Variants in RAB4A observed in about 807,000 individuals in gnomAD.
RAB4A encodes the protein RAB4A, member RAS oncogene family, also known as ras-related protein Rab-4A.
In RAB4A, 20 loss-of-function variants were observed where a neutral mutation model predicts 34.5. The observed-to-expected ratio is 0.58, with a 90% CI of 0.41 to 0.84. The LOEUF is 0.84. Ranked by LOEUF, RAB4A falls within the 40% of genes least tolerant of loss-of-function variation. The pLI, the probability that RAB4A is intolerant of heterozygous loss-of-function variation, is 0.00. For missense variants in RAB4A, 228 were observed against 274.5 expected (o/e 0.83, Z 1.20); for synonymous variants, 102 against 100.0 (o/e 1.02, Z -0.12).
Position 229,299,100 on chromosome 1 carries a change from T to G in RAB4A, c.541+28T>G, listed in dbSNP as rs531557674. 18 of 1,494,236 alleles carry G rather than the reference T, an allele frequency of 1.2e-5. No homozygotes were observed. The East Asian group carries it at 3.4e-4, about 28-fold the overall frequency. The allele number at this position is 1,494,236 out of a possible 1,614,324, so 92.6% of individuals were successfully genotyped here. A position where few individuals can be genotyped will look rare whatever the true frequency, so the allele number is the denominator to read the frequency against. On this transcript the variant is annotated intron_variant, in intron 6 of 7. Transcript: ENST00000366690. ...AAAAGCCTTTCCATTAAGCAACTTT[T>G]CTTCTGCATATTTTACACTGTAGCT...
intron 1 of RAB4A, among the ~76,000 whole-genome samples, chr1:229,273,031 ATCTTTGCACT>A (rs1228189529): frequency 6.6e-6 from 1 of 152,250 alleles, no homozygotes; most frequent in African/African-American, 2.4e-5. Context: ...TTTTGGTTAC[ATCTTTGCACT>A]TCTTTATTTT....
intron 1 of RAB4A, among the ~76,000 whole-genome samples, chr1:229,279,740 T>A (rs1656735126): frequency 6.6e-6 from 1 of 152,220 alleles, no homozygotes; most frequent in South Asian, 2.1e-4. Flanking sequence ...TAAAAGTACA[T>A]TAGTAGGATG....
At chr1:229,297,693 A>G in intron 5 of RAB4A, 57 bp downstream of exon 5, 1 of 1,424,172 alleles carries the variant, frequency 7.0e-7, no homozygotes, top group Non-Finnish European at 9.4e-7. Context: ...GGATAATAGC[A>G]TTTCTTTGAA....
At chr1:229,279,413 C>T (rs1183053490) in intron 1 of RAB4A, among the ~76,000 whole-genome samples, 1 of 152,228 alleles carries the variant, frequency 6.6e-6, no homozygotes, top group Non-Finnish European at 1.5e-5. Context: ...TCATCCCCTG[C>T]TGTCCCCATC....
At chr1:229,296,983 G>A (rs1353318792) in intron 4 of RAB4A, among the ~76,000 whole-genome samples, 2 of 152,168 alleles carry the variant, frequency 1.3e-5, no homozygotes, top group Non-Finnish European at 1.5e-5. Context: ...TATGACCTAG[G>A]GCAACGTAAT....
intron 1 of RAB4A, among the ~76,000 whole-genome samples, chr1:229,278,753 A>G (rs1324761442): frequency 1.3e-5 from 2 of 152,128 alleles, no homozygotes; most frequent in African/African-American, 4.8e-5. Flanking sequence ...TAAACTGCTT[A>G]TAAGAGCTGT....
At chr1:229,301,888 CAT>C (rs1468014939) in intron 6 of RAB4A, among the ~76,000 whole-genome samples, 6 of 151,764 alleles carry the variant, frequency 4.0e-5, no homozygotes, top group African/African-American at 1.5e-4. Flanking sequence ...ATATATATAA[CAT>C]AATGTCATAC....
intron 1 of RAB4A, among the ~76,000 whole-genome samples, chr1:229,274,690 A>G (rs1656596333): frequency 6.6e-6 from 1 of 152,250 alleles, no homozygotes; most frequent in South Asian, 2.1e-4. Context: ...GGAGATTACA[A>G]ATTGGCTGAA....
At chr1:229,278,320 G>A (rs1025226935) in intron 1 of RAB4A, among the ~76,000 whole-genome samples, 3 of 152,190 alleles carry the variant, frequency 2.0e-5, no homozygotes, top group Admixed American at 6.5e-5. Flanking sequence ...TGCAGACAGA[G>A]CTCCTTTTAG....
At position 229,289,048 on chromosome 1, in the gene RAB4A, A is replaced by T. The variant is rs1247173226; in HGVS notation, c.227+205A>T. ...TGCAGCATGGATTACTAAAGAATACAGGAGGATCTCCGCGCAACTGCATTA... is the reference window on the plus strand; with the variant it reads ...TGCAGCATGGATTACTAAAGAATACTGGAGGATCTCCGCGCAACTGCATTA... On this transcript the variant is annotated intron_variant, in intron 3 of 7. Transcript: ENST00000366690. The T allele has an allele frequency of 9.6e-6, 5 of 520,728 alleles. No individual in the cohort carries two copies. The South Asian group carries it at 1.2e-4, about 12-fold the overall frequency. 32.3% of individuals were successfully genotyped at this position (520,728 alleles called of 1,614,324 possible).
rs1475436090 is a variant in RAB4A at position 229,288,837 on chromosome 1, G to A, written c.221G>A (p.Arg74Gln). The A allele has an allele frequency of 2.7e-6, 4 of 1,494,858 alleles. No homozygotes were observed. Among genetic ancestry groups the A allele is most frequent in the Admixed American group, 1.8e-5 (1 of 54,170 alleles). 92.6% of individuals were successfully genotyped at this position (1,494,858 alleles called of 1,614,324 possible). A position where few individuals can be genotyped will look rare whatever the true frequency, so the allele number is the denominator to read the frequency against. Reference protein sequence around the residue: ...LQIWDTAGQERFRSVTRSYYR... With the variant: ...LQIWDTAGQEQFRSVTRSYYR... ...ATATGGGATACAGCAGGACAAGAAC[G>A]ATTCAGGTAGCTTTTCTCTAACTTA... The change falls in exon 3 of 8, where the codon CGA (arginine) becomes CAA (glutamine). Residue 74 changes from arginine (R) to glutamine (Q), a missense_variant. Transcript: ENST00000366690.
chr1:229,293,076 T>A (rs2102849297), intron 3 of RAB4A, among the ~76,000 whole-genome samples: 1 of 152,304 alleles, frequency 6.6e-6, no homozygotes, highest in Non-Finnish European at 1.5e-5. Context: ...TTCACACAAC[T>A]CAGGAAAAAC....
chr1:229,271,268 C>T lies in RAB4A; in HGVS notation c.-72C>T. The T allele has an allele frequency of 1.5e-6, 2 of 1,315,830 alleles. No homozygotes were observed. Among genetic ancestry groups the T allele is most frequent in the South Asian group, 2.0e-5 (1 of 50,978 alleles). The allele number at this position is 1,315,830 out of a possible 1,614,324, so 81.5% of individuals were successfully genotyped here. On this transcript the variant is annotated 5_prime_UTR_variant, in exon 1 of 8. Transcript: ENST00000366690. ...CCGGTCCCCCGCCCCAGGTCCTTCC[C>T]CACCGAGACGCGCCGGCGGACCGCG...
intron 6 of RAB4A, among the ~76,000 whole-genome samples, chr1:229,300,100 C>G (rs148895990): frequency 2.8e-4 from 42 of 152,328 alleles, no homozygotes; most frequent in African/African-American, 8.2e-4. Flanking sequence ...ACTAGAGACA[C>G]TGAGATGCAT....
chr1:229,302,289 ATATATATATATATATATATATTTTTTT>A (rs1348527134), intron 6 of RAB4A, among the ~76,000 whole-genome samples: 2 of 21,898 alleles, frequency 9.1e-5, no homozygotes, highest in African/African-American at 5.4e-4. Context: ...ATATATATAT[ATATATATATATATATATATATTTTTTT>A]TTTTTTTTTA....
intron 6 of RAB4A, among the ~76,000 whole-genome samples, chr1:229,302,264 T>A (rs867867925): frequency 9.2e-4 from 10 of 10,882 alleles, no homozygotes; most frequent in Admixed American, 2.9e-3. Flanking sequence ...TAATTATATA[T>A]ATATATATAT....
intron 5 of RAB4A, 128 bp downstream of exon 5, chr1:229,297,764 TTG>T (rs1223626438): frequency 1.8e-6 from 2 of 1,111,822 alleles, no homozygotes; most frequent in African/African-American, 3.2e-5. Context: ...GAATTTCCAA[TTG>T]TTTTTTTCTA....
At chr1:229,299,381 G>A (rs547163775) in intron 6 of RAB4A, among the ~76,000 whole-genome samples, 42 of 152,288 alleles carry the variant, frequency 2.8e-4, no homozygotes, top group Non-Finnish European at 4.9e-4. Context: ...TTCACTAAAC[G>A]GAGGAAGAAT....
intron 3 of RAB4A, chr1:229,289,105 T>C (rs1656997457): frequency 2.5e-6 from 1 of 394,794 alleles, no homozygotes; most frequent in Non-Finnish European, 4.5e-6. Context: ...CTCAGGAGGA[T>C]GTGGCACTGT....
Sources: gnomAD v4.1 joint callset for allele counts (sites outside exome capture counted in the v4.1 genomes callset) on GRCh38, gnomAD v4.1.1 for gene constraint, MANE v1.5 for transcripts, NCBI Gene and HGNC (gene_info 2026-07-23, HGNC 2026-07-21) for gene names.